Variants in FSTL4 observed in about 807,000 individuals in gnomAD.
The protein encoded by FSTL4 is follistatin like 4.
A neutral mutation model predicts 78.2 loss-of-function variants in FSTL4; 28 were observed. The observed-to-expected ratio is 0.36, with a 90% CI of 0.27 to 0.49. The LOEUF is 0.49. Among genes scored for constraint, FSTL4 ranks in the 20% least tolerant of loss-of-function variants. The pLI is 0.98. For synonymous variants in FSTL4, 422 were observed against 440.5 expected (o/e 0.96, Z 0.53); for missense variants, 922 against 1,084.9 (o/e 0.85, Z 2.11).
chr5:133,445,745 A>AT, intron 3 of FSTL4, among the ~76,000 whole-genome samples: 1 of 152,140 alleles, frequency 6.6e-6, no homozygotes, highest in African/African-American at 2.4e-5. Flanking sequence ...AGGCCTGTGT[A>AT]TTTGCCTGTC....
chr5:133,341,747 C>T (rs1255843789), intron 4 of FSTL4, among the ~76,000 whole-genome samples: 1 of 152,220 alleles, frequency 6.6e-6, no homozygotes, highest in Non-Finnish European at 1.5e-5. Flanking sequence ...CCCTAGGTGT[C>T]AACCTTGAAT....
the FSTL4 span, among the ~76,000 whole-genome samples, chr5:133,699,894 A>AAAC: frequency 6.6e-6 from 1 of 151,454 alleles, no homozygotes; most frequent in Admixed American, 6.6e-5. Flanking sequence ...AAAAAAAAAA[A>AAAC]AAAAAAACAA....
At chr5:133,417,661 T>A (rs1024716139) in intron 3 of FSTL4, among the ~76,000 whole-genome samples, 1 of 151,910 alleles carries the variant, frequency 6.6e-6, no homozygotes, top group African/African-American at 2.4e-5. Flanking sequence ...AGGGGAACAA[T>A]AAGAATGAGG....
intron 4 of FSTL4, among the ~76,000 whole-genome samples, chr5:133,375,007 T>G (rs1755395700): frequency 6.6e-6 from 1 of 152,048 alleles, no homozygotes; most frequent in East Asian, 1.9e-4. Flanking sequence ...CCCAAAACTT[T>G]AGAGTTGGAT....
At chr5:133,547,813 T>TA (rs869080062) in intron 3 of FSTL4, among the ~76,000 whole-genome samples, 2 of 152,112 alleles carry the variant, frequency 1.3e-5, no homozygotes, top group African/African-American at 4.8e-5. Flanking sequence ...CCTCTTTTTT[T>TA]AAAAAAATAA....
At chr5:133,427,554 C>T (rs764138470) in intron 3 of FSTL4, 1 of 496,020 alleles carries the variant, frequency 2.0e-6, no homozygotes, top group South Asian at 1.5e-5. Flanking sequence ...ATGAGTGCTT[C>T]CAGCAATTAG....
intron 3 of FSTL4, among the ~76,000 whole-genome samples, chr5:133,474,054 T>C (rs908170999): frequency 6.6e-6 from 1 of 152,160 alleles, no homozygotes; most frequent in African/African-American, 2.4e-5. Flanking sequence ...TGGTATGATC[T>C]AACCCACAGT....
chr5:133,307,943 G>A (rs1444276942), intron 6 of FSTL4, among the ~76,000 whole-genome samples: 1 of 152,096 alleles, frequency 6.6e-6, no homozygotes, highest in Non-Finnish European at 1.5e-5. Flanking sequence ...ACCAAGCCCG[G>A]CTAAGTTTTT....
the FSTL4 span, among the ~76,000 whole-genome samples, chr5:133,832,890 G>T: frequency 6.6e-6 from 1 of 152,154 alleles, no homozygotes; most frequent in East Asian, 1.9e-4. Context: ...AATGGGTGTG[G>T]TGTATTCCCA....
the FSTL4 span, among the ~76,000 whole-genome samples, chr5:133,690,722 T>G: frequency 3.4e-4 from 52 of 152,334 alleles, no homozygotes; most frequent in African/African-American, 1.3e-3. Context: ...GCTATGCATA[T>G]ACAACCTAAA....
At chr5:133,833,148 A>G in the FSTL4 span, among the ~76,000 whole-genome samples, 15,504 of 152,186 alleles carry the variant, frequency 0.1, 856 homozygotes, top group Admixed American at 0.15. Context: ...AGGTCCATGA[A>G]TGCCTATGAG....
chr5:133,549,029 T>C (rs1446130128), intron 3 of FSTL4, among the ~76,000 whole-genome samples: 1 of 152,222 alleles, frequency 6.6e-6, no homozygotes, highest in Non-Finnish European at 1.5e-5. Context: ...TTGAGGGTTA[T>C]CATTTTGTCC....
At chr5:133,672,899 G>A in the FSTL4 span, among the ~76,000 whole-genome samples, 1 of 152,212 alleles carries the variant, frequency 6.6e-6, no homozygotes. Flanking sequence ...CTGACGACAT[G>A]TGCCCAAGAC....
At chr5:133,448,508 G>A (rs569637941) in intron 3 of FSTL4, among the ~76,000 whole-genome samples, 4 of 152,292 alleles carry the variant, frequency 2.6e-5, no homozygotes, top group Admixed American at 6.5e-5. Flanking sequence ...CCCTGCTCCC[G>A]GGGCTCACAG....
At chr5:133,539,949 G>GT (rs10623473) in intron 3 of FSTL4, among the ~76,000 whole-genome samples, 163 of 147,148 alleles carry the variant, frequency 1.1e-3, no homozygotes, top group Admixed American at 3.5e-3. Context: ...TTCTGTGAAG[G>GT]TTTTTTTTTT....
intron 3 of FSTL4, among the ~76,000 whole-genome samples, chr5:133,486,761 TGGCGGTGGGTG>T (rs1316836593): frequency 6.6e-6 from 1 of 152,112 alleles, no homozygotes; most frequent in East Asian, 1.9e-4. Context: ...GAGCAGGAGC[TGGCGGTGGGTG>T]GGCGGAGCAG....
intron 3 of FSTL4, among the ~76,000 whole-genome samples, chr5:133,432,915 T>C (rs1020586713): frequency 1.3e-5 from 2 of 152,244 alleles, no homozygotes; most frequent in Non-Finnish European, 2.9e-5. Flanking sequence ...ATTTTTCATA[T>C]GCTTCTGTGC....
chr5:133,478,868 A>G (rs976731797), intron 3 of FSTL4, among the ~76,000 whole-genome samples: 4 of 152,056 alleles, frequency 2.6e-5, no homozygotes, highest in African/African-American at 9.7e-5. Flanking sequence ...GGAGTCCTTC[A>G]CTGACCCCAC....
At chr5:133,839,091 T>A in the FSTL4 span, among the ~76,000 whole-genome samples, 1 of 152,212 alleles carries the variant, frequency 6.6e-6, no homozygotes, top group Non-Finnish European at 1.5e-5. Context: ...CGTGACTGTG[T>A]TCTAATGGAG....
Sources: allele counts gnomAD v4.1 joint callset (sites outside exome capture counted in the v4.1 genomes callset), GRCh38; gene constraint gnomAD v4.1.1; transcripts MANE v1.5; gene names NCBI Gene and HGNC (gene_info 2026-07-23, HGNC 2026-07-21).